GATA2: variants seen among roughly 807,000 people sequenced by gnomAD.
GATA2 encodes GATA binding protein 2.
A neutral mutation model predicts 35.7 loss-of-function variants in GATA2; 6 were observed. The observed-to-expected ratio is 0.17, with a 90% CI of 0.09 to 0.33. The LOEUF (loss-of-function observed/expected upper bound fraction) is 0.33. GATA2 is among the 10% of genes least tolerant of loss of function. GATA2 has a pLI of 1.00. For synonymous variants in GATA2, 313 were observed against 274.9 expected, an observed-to-expected ratio of 1.14 and a Z score of -1.37; for missense variants, 541 against 656.6, an observed-to-expected ratio of 0.82 and a Z score of 1.92.
chr3:128,480,935 T>C lies in GATA2; in HGVS notation c.*84A>G, dbSNP rs886057927. On this transcript the variant is annotated 3_prime_UTR_variant, in exon 6 of 6. Transcript: ENST00000341105. The stretch of plus-strand genomic sequence containing the variant: ...GGCCGAGCCGGGCTGGCAGGAGTGG[T>C]GTCGGCCTTCGGGAAATGCTGGGCT... 3.6e-6 allele frequency: 5 copies of C among 1,406,194 alleles called. No individual in the cohort carries two copies. Among genetic ancestry groups the C allele is most frequent in the Non-Finnish European group, 4.7e-6 (5 of 1,056,844 alleles). The allele number at this position is 1,406,194 out of a possible 1,614,324, so 87.1% of individuals were successfully genotyped here. A position where few individuals can be genotyped will look rare whatever the true frequency, so the allele number is the denominator to read the frequency against.
chr3:128,487,852 C>G (rs1257197702), intron 1 of GATA2: 1 of 152,372 alleles, frequency 6.6e-6, no homozygotes, highest in South Asian at 2.1e-4. Flanking sequence ...TAGAGTGCGC[C>G]TCGGCCTCGG....
rs2107667019 is a variant in GATA2, at chr3:128,480,279, G to T, written c.*740C>A. On this transcript the variant is annotated 3_prime_UTR_variant, in exon 6 of 6. Transcript: ENST00000341105. Reference sequence around the variant, plus strand: ...ACAGGCTGTGGCTTGCGCTCAGTAAGGGGACACAGTCACAGCAGCTTCGGC... The same window carrying T: ...ACAGGCTGTGGCTTGCGCTCAGTAATGGGACACAGTCACAGCAGCTTCGGC... The T allele has an allele frequency of 8.6e-6, 2 of 233,352 alleles. No individual in the cohort carries two copies. Among genetic ancestry groups the T allele is most frequent in the African/African-American group, 4.4e-5 (2 of 45,494 alleles). 14.5% of individuals were successfully genotyped at this position (233,352 alleles called of 1,614,324 possible). A position where few individuals can be genotyped will look rare whatever the true frequency, so the allele number is the denominator to read the frequency against.
At position 128,485,731 on chromosome 3, in the gene GATA2, A is replaced by G. The variant is rs756397780; in HGVS notation, c.867T>C (p.Cys289=). Residue 289 remains cysteine, a synonymous_variant, in exon 3 of 6, where the codon TGT becomes TGC. Coordinates refer to ENST00000341105, the MANE Select transcript of GATA2 (RefSeq NM_032638.5). The part of the protein sequence containing the change: ...TPKQRSKARS[C]SEGRECVNCG... The stretch of plus-strand genomic sequence containing the variant: ...GTCCCCAGCACCTGCCTTTACCTGA[A>G]CAGGAACGAGCCTTGCTGCGCTGCT... 47 of 1,613,592 alleles carry G rather than the reference A, an allele frequency of 2.9e-5. No homozygotes were observed. The highest frequency in any genetic ancestry group is 3.6e-5 in the Non-Finnish European group (42 of 1,179,946).
intron 1 of GATA2, among the ~76,000 whole-genome samples, chr3:128,491,144 G>A (rs2068762356): frequency 6.6e-6 from 1 of 151,178 alleles, no homozygotes; most frequent in South Asian, 2.1e-4. Context: ...TGCTTCTCAG[G>A]CCTCTACTAA....
chr3:128,487,070 A>G lies in GATA2; in HGVS notation c.-39T>C. ...GGCTCAGGGTCTGGGTGCAGACGGC[A>G]ACGGCCCTGCGCGAGGAAGGGGGAG... On this transcript the variant is annotated 5_prime_UTR_variant, in exon 2 of 6. Transcript: ENST00000341105. 6.6e-7 allele frequency: 1 copy of G among 1,503,778 alleles called. No homozygotes were observed. Among genetic ancestry groups the G allele is most frequent in the Non-Finnish European group, 9.0e-7 (1 of 1,115,848 alleles). 93.2% of individuals were successfully genotyped at this position (1,503,778 alleles called of 1,614,324 possible).
intron 1 of GATA2, among the ~76,000 whole-genome samples, chr3:128,487,299 C>T (rs1382436116): frequency 1.3e-5 from 2 of 152,220 alleles, no homozygotes; most frequent in African/African-American, 4.8e-5. Context: ...GAATCACACA[C>T]CCGTGCACAT....
At chr3:128,489,052 G>A (rs948036197) in intron 1 of GATA2, among the ~76,000 whole-genome samples, 1 of 152,132 alleles carries the variant, frequency 6.6e-6, no homozygotes, top group African/African-American at 2.4e-5. Context: ...TGGGTCGGGG[G>A]CAGGAGGAGG....
intron 3 of GATA2, among the ~76,000 whole-genome samples, chr3:128,484,496 T>A (rs1460530610): frequency 6.6e-6 from 1 of 152,172 alleles, no homozygotes; most frequent in African/African-American, 2.4e-5. Context: ...CCAGAAGCAT[T>A]TCCCTCTTTC....
intron 4 of GATA2, among the ~76,000 whole-genome samples, chr3:128,482,640 C>G (rs973357336): frequency 2.0e-5 from 3 of 152,060 alleles, no homozygotes; most frequent in Non-Finnish European, 4.4e-5. Flanking sequence ...AGTGCTGATC[C>G]CCCCCATCCA....
At chr3:128,491,263 T>C (rs2068765042) in intron 1 of GATA2, among the ~76,000 whole-genome samples, 1 of 145,022 alleles carries the variant, frequency 6.9e-6, no homozygotes, top group Admixed American at 7.2e-5. Context: ...AGGCGGCCCC[T>C]TTGGGACCAT....
rs1266326510 is a variant in GATA2, at chr3:128,488,781, G to A, written c.-45-1705C>T. On this transcript the variant is annotated intron_variant, in intron 1 of 5. Transcript: ENST00000341105. This position sits in a 1 kb window ranked among gnomAD's most constrained non-coding sequence, Gnocchi z 5.8. ...TCTCCGTCTTCTAAGTCACCTGGAA[G>A]TGCTCCCCACTCACTTCTAGCCCGG... is the stretch of plus-strand genomic sequence containing the variant. Among the ~76,000 whole-genome samples the A allele has an allele frequency of 6.6e-6, 1 of 152,172 alleles. No individual in the cohort carries two copies. Among genetic ancestry groups the A allele is most frequent in the African/African-American group, 2.4e-5 (1 of 41,450 alleles).
intron 3 of GATA2, 119 bp from the exon 4 acceptor site, chr3:128,484,124 C>T (rs1262891885): frequency 2.3e-6 from 3 of 1,315,246 alleles, no homozygotes; most frequent in Non-Finnish European, 3.1e-6. Context: ...ACACGGTTGG[C>T]CTGGGCCTGG....
At chr3:128,483,037 C>T (rs1396892908) in intron 4 of GATA2, among the ~76,000 whole-genome samples, 9 of 152,230 alleles carry the variant, frequency 5.9e-5, no homozygotes, top group Non-Finnish European at 7.3e-5. Flanking sequence ...GGAATTCTGA[C>T]TCAGGGGCCA....
chr3:128,492,649 G>A (rs1156251124), intron 1 of GATA2, among the ~76,000 whole-genome samples: 1 of 152,194 alleles, frequency 6.6e-6, no homozygotes, highest in Non-Finnish European at 1.5e-5. Context: ...GAATGCCAGG[G>A]TCTCGTGGCC....
rs2068661017 is a variant in GATA2, at chr3:128,483,867, C to T, written c.1010G>A (p.Arg337Gln). 1.2e-6 allele frequency: 2 copies of T among 1,614,200 alleles called. No individual in the cohort carries two copies. Among genetic ancestry groups the T allele is most frequent in the South Asian group, 1.1e-5 (1 of 91,080 alleles). ...ACCTGTGCCCGCTCCTACCAGTCTT[C>T]GCTTGGGCTTGATGAGTGGTCGGTT... is the stretch of plus-strand genomic sequence containing the variant. ...GQNRPLIKPK[R>Q]RLSAARRAGT... Residue 337 changes from arginine to glutamine, a missense_variant, in exon 4 of 6, where the codon CGA (arginine) becomes CAA (glutamine). This residue lies in a region of GATA2 where 19 missense variants were observed against 18.9 expected (regional missense o/e 1.00). Coordinates refer to ENST00000341105, the MANE Select transcript of GATA2 (RefSeq NM_032638.5).
chr3:128,490,734 CCCAA>C (rs2068759362), intron 1 of GATA2: 1 of 152,236 alleles, frequency 6.6e-6, no homozygotes, highest in African/African-American at 2.4e-5. Context: ...CACCTTGGGC[CCCAA>C]ACAAACTCCC....
rs529564408 is a variant in GATA2, at chr3:128,480,919, G to T, written c.*100C>A. The T allele has an allele frequency of 3.6e-4, 480 of 1,346,240 alleles. No homozygotes were observed. In the African/African-American group the frequency reaches 5.0e-3, roughly 14 times the overall value. 83.4% of individuals were successfully genotyped at this position (1,346,240 alleles called of 1,614,324 possible). ...AGGAGAGGGGGTGCTGGGCCGAGCC[G>T]GGCTGGCAGGAGTGGTGTCGGCCTT... On this transcript the variant is annotated 3_prime_UTR_variant, in exon 6 of 6. Coordinates refer to ENST00000341105, the MANE Select transcript of GATA2 (RefSeq NM_032638.5).
In GATA2 at chr3:128,479,873, T is replaced by C. The variant is rs776209943; in HGVS notation, c.*1146A>G. 1.1e-4 allele frequency: 26 copies of C among 232,854 alleles called. No individual in the cohort carries two copies. The highest frequency in any genetic ancestry group is 1.2e-3 in the Middle Eastern group (1 of 806). The allele number at this position is 232,854 out of a possible 1,614,324, so 14.4% of individuals were successfully genotyped here. ...AGCAGGGACACAGCCTCTCCCTGGG[T>C]CCTGGTCCTGACCTGCCCCCAACTC... On this transcript the variant is annotated 3_prime_UTR_variant, in exon 6 of 6. Transcript: ENST00000341105.
chr3:128,483,293 CAG>C lies in GATA2; in HGVS notation c.1017+565_1017+566del, dbSNP rs1246380412. Among the ~76,000 whole-genome samples the C allele has an allele frequency of 1.1e-4, 17 of 152,158 alleles. No homozygotes were observed. The highest frequency in any genetic ancestry group is 1.5e-5 in the Non-Finnish European group (1 of 68,034). On this transcript the variant is annotated intron_variant, in intron 4 of 5. Transcript: ENST00000341105. ...TCTAAAAACTCGCAGAGTCCGGAAA[CAG>C]ATACACGAAGTTTCCTTATCTTCAG...
Sources: allele counts gnomAD v4.1 joint callset (sites outside exome capture counted in the v4.1 genomes callset), GRCh38; gene constraint gnomAD v4.1.1; regional missense constraint gnomAD v4.1.1; non-coding constraint Gnocchi (gnomAD v3.1); transcripts MANE v1.5; gene names NCBI Gene and HGNC (gene_info 2026-07-23, HGNC 2026-07-21).